The following TTLL7 variants were observed in gnomAD, a reference collection of about 807,000 sequenced individuals.
TTLL7 encodes the protein tubulin tyrosine ligase like 7, also known as tubulin polyglutamylase TTLL7.
TTLL7 carries 53 observed loss-of-function variants against 120.2 expected under a neutral mutation model. The observed-to-expected ratio is 0.44, with a 90% CI of 0.35 to 0.55. TTLL7 has a LOEUF of 0.55. TTLL7 is among the 20% of genes least tolerant of loss of function. The probability of loss-of-function intolerance (pLI) is 0.00; values close to 1 mark genes in which losing one functional copy is unlikely to be tolerated. For synonymous variants in TTLL7, 353 were observed against 351.7 expected (o/e 1.00, Z -0.04); for missense variants, 803 against 1,054.7 (o/e 0.76, Z 3.31).
intron 1 of TTLL7, among the ~76,000 whole-genome samples, chr1:83,956,915 C>G (rs559495264): frequency 9.9e-5 from 15 of 152,120 alleles, no homozygotes; most frequent in Non-Finnish European, 1.8e-4. Context: ...ATATGTATTA[C>G]CTGTTCAAAA....
intron 1 of TTLL7, among the ~76,000 whole-genome samples, chr1:83,973,197 C>T (rs1201932754): frequency 6.6e-6 from 1 of 151,972 alleles, no homozygotes. Flanking sequence ...GAGTTTTATA[C>T]TTTTGCATTG....
chr1:83,927,393 T>A (rs1659226636), intron 10 of TTLL7, among the ~76,000 whole-genome samples: 1 of 152,128 alleles, frequency 6.6e-6, no homozygotes, highest in South Asian at 2.1e-4. Context: ...AAAGGAAAGA[T>A]TCATTTTGGT....
chr1:83,947,269 G>A lies in TTLL7; in HGVS notation c.361C>T (p.Arg121Trp), dbSNP rs749756605. ...ARNMTKMIKS[R>W]PLDYTFVPRT... The stretch of plus-strand genomic sequence containing the variant: ...GGAACAAAGGTATAATCCAGAGGCC[G>A]AGACTTGATCATTCTGTAAATTGGA... Residue 121 changes from arginine (R) to tryptophan (W), a missense_variant, in exon 6 of 21, where the codon CGG (arginine) becomes TGG (tryptophan). This residue lies in a region of TTLL7 where 324 missense variants were observed against 507.7 expected (regional missense o/e 0.64). Transcript: ENST00000260505. 2 of 1,604,560 alleles carry A rather than the reference G, an allele frequency of 1.2e-6. No individual in the cohort carries two copies. Among genetic ancestry groups the A allele is most frequent in the Admixed American group, 1.7e-5 (1 of 57,892 alleles).
At chr1:83,947,645 T>TA (rs1648637556) in intron 5 of TTLL7, 1 of 167,954 alleles carries the variant, frequency 6.0e-6, no homozygotes, top group African/African-American at 2.4e-5. Flanking sequence ...CTATTAATAT[T>TA]AAACAGTGTG....
intron 7 of TTLL7, 79 bp from the exon 8 acceptor site, chr1:83,938,095 CAA>C: frequency 7.4e-7 from 1 of 1,345,540 alleles, no homozygotes; most frequent in Non-Finnish European, 1.0e-6. Flanking sequence ...AAAAGACACT[CAA>C]AGACTAAAGA....
At chr1:83,969,966 C>A (rs1479431359) in intron 1 of TTLL7, among the ~76,000 whole-genome samples, 2 of 151,808 alleles carry the variant, frequency 1.3e-5, no homozygotes, top group Admixed American at 1.3e-4. Flanking sequence ...ACAAATATGC[C>A]TAAATTAGGA....
intron 8 of TTLL7, among the ~76,000 whole-genome samples, chr1:83,935,024 T>C (rs190579451): frequency 1.2e-4 from 19 of 152,214 alleles, no homozygotes; most frequent in African/African-American, 4.3e-4. Flanking sequence ...CTATGGGTGA[T>C]AAAAGGGAAG....
intron 1 of TTLL7, among the ~76,000 whole-genome samples, chr1:83,965,090 T>C (rs1050888177): frequency 6.9e-6 from 1 of 144,660 alleles, no homozygotes. Flanking sequence ...CTGAAAGAGG[T>C]CATCAATCTC....
At chr1:83,911,530 A>G (rs917722108) in intron 14 of TTLL7, among the ~76,000 whole-genome samples, 167 bp from the exon 15 acceptor site, 1 of 152,160 alleles carries the variant, frequency 6.6e-6, no homozygotes, top group Non-Finnish European at 1.5e-5. Context: ...AGTGCTATGC[A>G]TTGATTGTTG....
chr1:83,929,233 G>A lies in TTLL7; in HGVS notation c.1048-3C>T, dbSNP rs1294482043. On this transcript the variant is annotated splice_polypyrimidine_tract_variant and splice_region_variant and intron_variant, in intron 9 of 20. Transcript: ENST00000260505. ...CCAAAGCTTGGGGCTCGGTTAATCT[G>A]AAATTTACAAAGAAGACAATATTGG... The A allele has an allele frequency of 3.1e-6, 5 of 1,600,106 alleles. No homozygotes were observed. In the African/African-American group the frequency reaches 5.4e-5, roughly 17 times the overall value.
rs1652840288 is a variant in TTLL7, at chr1:83,865,231, T to C, written c.*4731A>G. The C allele has an allele frequency of 6.6e-6, 1 of 151,978 alleles. No homozygotes were observed. Among genetic ancestry groups the C allele is most frequent in the South Asian group, 2.1e-4 (1 of 4,832 alleles). 9.4% of individuals were successfully genotyped at this position (151,978 alleles called of 1,614,324 possible). Reference sequence around the variant, plus strand: ...GGATAATGTGAGTCATGATTCATGTTAGCAAATGTATTGCTTTCAAGCTAA... The same window carrying C: ...GGATAATGTGAGTCATGATTCATGTCAGCAAATGTATTGCTTTCAAGCTAA... On this transcript the variant is annotated 3_prime_UTR_variant, in exon 21 of 21. Transcript: ENST00000260505.
intron 5 of TTLL7, among the ~76,000 whole-genome samples, chr1:83,947,795 A>G (rs1648649391): frequency 6.6e-6 from 1 of 152,118 alleles, no homozygotes; most frequent in Non-Finnish European, 1.5e-5. Flanking sequence ...CACATAGGGA[A>G]CAGTTTTTGA....
chr1:83,957,651 G>C (rs532933295), intron 1 of TTLL7, among the ~76,000 whole-genome samples: 1 of 152,266 alleles, frequency 6.6e-6, no homozygotes, highest in East Asian at 1.9e-4. Context: ...CTACCTATTA[G>C]AAGAAGTATG....
At chr1:83,878,883 T>C (rs961284861) in intron 20 of TTLL7, among the ~76,000 whole-genome samples, 1 of 151,922 alleles carries the variant, frequency 6.6e-6, no homozygotes, top group Non-Finnish European at 1.5e-5. Context: ...ATATACTCTT[T>C]AAATCCTCTT....
At position 83,906,341 on chromosome 1, in the gene TTLL7, A is replaced by G. The variant is rs2100761600; in HGVS notation, c.2115T>C (p.Leu705=). The G allele has an allele frequency of 6.2e-7, 1 of 1,612,118 alleles. No individual in the cohort carries two copies. The highest frequency in any genetic ancestry group is 2.2e-5 in the East Asian group (1 of 44,726). The change falls in exon 17 of 21, where the codon CTT becomes CTC. Residue 705 remains leucine, a synonymous_variant. Coordinates refer to ENST00000260505, the MANE Select transcript of TTLL7 (RefSeq NM_024686.6). The part of the protein sequence containing the change: ...FPGKSDAESE[L]LIEDIIDNWK... Reference sequence around the variant, plus strand: ...ATCACATACTCACATCTTCTATCAGAAGTTCTGATTCTGCATCTGACTTTC... The same window carrying G: ...ATCACATACTCACATCTTCTATCAGGAGTTCTGATTCTGCATCTGACTTTC...
At chr1:83,928,738 T>A (rs1659342874) in intron 10 of TTLL7, among the ~76,000 whole-genome samples, 1 of 152,134 alleles carries the variant, frequency 6.6e-6, no homozygotes, top group South Asian at 2.1e-4. Context: ...TAGTTTCTTC[T>A]TATAAGATGA....
Position 83,953,818 on chromosome 1 carries a change from A to G in TTLL7, c.-176-1431T>C, listed in dbSNP as rs573006514. Among the ~76,000 whole-genome samples, 11 of 152,292 alleles carry G rather than the reference A, an allele frequency of 7.2e-5. No individual in the cohort carries two copies. In the South Asian group the frequency reaches 2.3e-3, roughly 32 times the overall value. On this transcript the variant is annotated intron_variant, in intron 1 of 20. Coordinates refer to ENST00000260505, the MANE Select transcript of TTLL7 (RefSeq NM_024686.6). ...CCCTATTTTCAGACCCCATGCTAACATAATATATAGACATATGAGAAGTTT... is the reference window on the plus strand; with the variant it reads ...CCCTATTTTCAGACCCCATGCTAACGTAATATATAGACATATGAGAAGTTT...
rs1293418374 is a variant in TTLL7, at chr1:83,908,689, GTCTATATATCC to G, written c.1787-1039_1787-1029del. On this transcript the variant is annotated intron_variant, in intron 15 of 20. Coordinates refer to ENST00000260505, the MANE Select transcript of TTLL7 (RefSeq NM_024686.6). ...TTTTTATTGTTTTTCAGTTCCTATG[GTCTATATATCC>G]TCTGTTCTGTATTCTTTCTCTGCTT... 6.6e-5 allele frequency among the ~76,000 whole-genome samples: 10 copies of G among 151,604 alleles called. No individual in the cohort carries two copies. In the South Asian group the frequency reaches 2.1e-3, roughly 32 times the overall value.
intron 1 of TTLL7, chr1:83,979,231 T>G (rs1171230258): frequency 6.6e-6 from 1 of 152,158 alleles, no homozygotes; most frequent in African/African-American, 2.4e-5. Context: ...AATAGTTTAG[T>G]AGGCAAGGGG....
Sources: gnomAD v4.1 joint callset for allele counts (sites outside exome capture counted in the v4.1 genomes callset) on GRCh38, gnomAD v4.1.1 for gene constraint, gnomAD v4.1.1 regional missense constraint, MANE v1.5 for transcripts, NCBI Gene and HGNC (gene_info 2026-07-23, HGNC 2026-07-21) for gene names.